Variants in ANKRD62 observed in about 807,000 individuals in gnomAD.
ANKRD62 encodes the protein ankyrin repeat domain-containing protein 62.
A neutral mutation model predicts 98.8 loss-of-function variants in ANKRD62; 61 were observed. The observed-to-expected ratio is 0.62, with a 90% CI of 0.50 to 0.76. The LOEUF (loss-of-function observed/expected upper bound fraction) is 0.76. Ranked by LOEUF, ANKRD62 falls within the 30% of genes least tolerant of loss-of-function variation. The probability of loss-of-function intolerance (pLI) is 0.00; values close to 1 mark genes in which losing one functional copy is unlikely to be tolerated. For synonymous variants in ANKRD62, 341 were observed against 367.9 expected (o/e 0.93, Z 0.84); for missense variants, 933 against 1,082.9 (o/e 0.86, Z 1.94).
chr18:12,109,179 G>T (rs1909480970), intron 8 of ANKRD62, among the ~76,000 whole-genome samples: 1 of 152,224 alleles, frequency 6.6e-6, no homozygotes. Context: ...CCTAGCAGAG[G>T]TTCTTCATGA....
chr18:12,163,115 A>G, the ANKRD62 span, among the ~76,000 whole-genome samples: 1 of 152,204 alleles, frequency 6.6e-6, no homozygotes, highest in Middle Eastern at 3.4e-3. Flanking sequence ...TAGTGTGGAC[A>G]TTTTAACAAC....
chr18:12,120,775 T>G (rs1033021145), intron 10 of ANKRD62, among the ~76,000 whole-genome samples: 4 of 152,210 alleles, frequency 2.6e-5, no homozygotes, highest in Non-Finnish European at 5.9e-5. Flanking sequence ...TTTTTTGGTT[T>G]TTTATATGTA....
At chr18:12,146,947 GA>G in the ANKRD62 span, among the ~76,000 whole-genome samples, 1 of 142,936 alleles carries the variant, frequency 7.0e-6, no homozygotes, top group African/African-American at 2.6e-5. Context: ...GTGGGCTTTG[GA>G]GTGTTCTAGG....
intron 6 of ANKRD62, chr18:12,102,027 GC>G: frequency 7.3e-7 from 1 of 1,377,892 alleles, no homozygotes. Flanking sequence ...CTTTGCAGAT[GC>G]CCACATCATG....
At chr18:12,116,088 A>G (rs1307541839) in intron 10 of ANKRD62, among the ~76,000 whole-genome samples, 2 of 152,110 alleles carry the variant, frequency 1.3e-5, no homozygotes, top group Non-Finnish European at 2.9e-5. Context: ...CAGTAGCTTC[A>G]GTGAGGTATA....
chr18:12,123,919 G>A (rs1395534089), intron 11 of ANKRD62, among the ~76,000 whole-genome samples: 2 of 152,010 alleles, frequency 1.3e-5, no homozygotes, highest in African/African-American at 2.4e-5. Flanking sequence ...TAATATTTAC[G>A]AGAATTACTA....
At chr18:12,141,365 A>T in the ANKRD62 span, among the ~76,000 whole-genome samples, 1 of 152,176 alleles carries the variant, frequency 6.6e-6, no homozygotes, top group Non-Finnish European at 1.5e-5. Context: ...ACTGTCTGGC[A>T]CTACCCCATG....
the ANKRD62 span, among the ~76,000 whole-genome samples, chr18:12,153,509 T>A: frequency 6.6e-6 from 1 of 150,698 alleles, no homozygotes; most frequent in Non-Finnish European, 1.5e-5. Flanking sequence ...AGAGAATCGC[T>A]TGAACCTGTG....
At chr18:12,178,419 T>A in the ANKRD62 span, among the ~76,000 whole-genome samples, 1 of 142,310 alleles carries the variant, frequency 7.0e-6, no homozygotes, top group Non-Finnish European at 1.5e-5. Context: ...GGGAAACCAT[T>A]GCAAAGTTTC....
At chr18:12,127,399 T>C (rs1307796157) in intron 13 of ANKRD62, among the ~76,000 whole-genome samples, 1 of 152,232 alleles carries the variant, frequency 6.6e-6, no homozygotes, top group African/African-American at 2.4e-5. Context: ...GATTTGAGCT[T>C]CTTCTTATAA....
chr18:12,161,251 A>G, the ANKRD62 span, among the ~76,000 whole-genome samples: 1 of 152,142 alleles, frequency 6.6e-6, no homozygotes, highest in East Asian at 1.9e-4. Context: ...AAATAGGATT[A>G]CTTTTGCAAA....
chr18:12,172,229 G>A, the ANKRD62 span, among the ~76,000 whole-genome samples: 364 of 152,320 alleles, frequency 2.4e-3, 1 homozygote, highest in African/African-American at 7.8e-3. Context: ...CTGATTTTTA[G>A]AATTTTCAGC....
intron 13 of ANKRD62, among the ~76,000 whole-genome samples, chr18:12,126,981 A>G (rs1306904593): frequency 6.6e-6 from 1 of 152,242 alleles, no homozygotes; most frequent in African/African-American, 2.4e-5. Context: ...CATCTTTCTT[A>G]CATTATAATA....
Position 12,128,431 on chromosome 18 carries a change from A to G in ANKRD62, c.*492A>G, listed in dbSNP as rs1472658851. The G allele has an allele frequency of 1.3e-5, 2 of 152,282 alleles. No homozygotes were observed. Among genetic ancestry groups the G allele is most frequent in the African/African-American group, 4.8e-5 (2 of 41,444 alleles). The allele number at this position is 152,282 out of a possible 1,614,324, so 9.4% of individuals were successfully genotyped here. A position where few individuals can be genotyped will look rare whatever the true frequency, so the allele number is the denominator to read the frequency against. On this transcript the variant is annotated 3_prime_UTR_variant, in exon 14 of 14. Transcript: ENST00000587848. ...GGTCTATAGTCAGAGTCATATGACT[A>G]TGGACAGTTAGCATTTGCCAACATG... is the stretch of plus-strand genomic sequence containing the variant.
chr18:12,169,215 T>A, the ANKRD62 span, among the ~76,000 whole-genome samples: 4 of 152,332 alleles, frequency 2.6e-5, no homozygotes, highest in African/African-American at 9.6e-5. Context: ...TTGTGCGTTT[T>A]CAAAGGGAAT....
intron 10 of ANKRD62, among the ~76,000 whole-genome samples, chr18:12,117,106 C>G (rs1909680977): frequency 6.6e-6 from 1 of 152,160 alleles, no homozygotes; most frequent in Non-Finnish European, 1.5e-5. Context: ...ATACTTCAAT[C>G]TTACTGAACT....
chr18:12,145,497 T>C, the ANKRD62 span, among the ~76,000 whole-genome samples: 2 of 148,986 alleles, frequency 1.3e-5, no homozygotes, highest in Admixed American at 6.7e-5. Flanking sequence ...TTTAAGCCCA[T>C]AGAGAGGTGG....
At chr18:12,134,294 A>G (rs1159908688), downstream of ANKRD62, among the ~76,000 whole-genome samples, 1 of 152,210 alleles carries the variant, frequency 6.6e-6, no homozygotes, top group African/African-American at 2.4e-5. Context: ...TCTATTACAA[A>G]GATGGCACAT....
rs532665926 is a variant in ANKRD62 at position 12,093,956 on chromosome 18, G to T, written c.-62G>T. On this transcript the variant is annotated 5_prime_UTR_variant, in exon 1 of 14. Transcript: ENST00000587848. ...GCTGCGCTCCAGAGAGGCAGAAAAC[G>T]AGTGGGAGCTGAGGTGTCTTAAAGC... 2 of 1,489,494 alleles carry T rather than the reference G, an allele frequency of 1.3e-6. No homozygotes were observed. The highest frequency in any genetic ancestry group is 1.2e-5 in the South Asian group (1 of 82,702). 92.3% of individuals were successfully genotyped at this position (1,489,494 alleles called of 1,614,324 possible).
Sources: gnomAD v4.1 joint callset for allele counts (sites outside exome capture counted in the v4.1 genomes callset) on GRCh38, gnomAD v4.1.1 for gene constraint, MANE v1.5 for transcripts, NCBI Gene and HGNC (gene_info 2026-07-23, HGNC 2026-07-21) for gene names.